MEGF11: variants seen among roughly 807,000 people sequenced by gnomAD.
MEGF11 encodes multiple EGF like domains 11.
MEGF11 carries 126 observed loss-of-function variants against 146.6 expected under a neutral mutation model. That is an observed-to-expected ratio of 0.86 (90% CI 0.74 to 1.00). MEGF11 has a LOEUF of 1.00. Ranked by LOEUF, MEGF11 falls within the 50% of genes least tolerant of loss-of-function variation. The pLI, the probability that MEGF11 is intolerant of heterozygous loss-of-function variation, is 0.00. For missense variants in MEGF11, 1,509 were observed against 1,521.2 expected (o/e 0.99, Z 0.13); for synonymous variants, 532 against 583.4 (o/e 0.91, Z 1.27).
At chr15:66,197,461 C>T (rs928227105) in intron 1 of MEGF11, among the ~76,000 whole-genome samples, 9 of 152,128 alleles carry the variant, frequency 5.9e-5, no homozygotes, top group African/African-American at 1.7e-4. Context: ...CTCGCTCTAT[C>T]GCCCAGGCTG....
At chr15:65,924,624 C>CTTTTT (rs573572484) in intron 13 of MEGF11, among the ~76,000 whole-genome samples, 21 of 111,600 alleles carry the variant, frequency 1.9e-4, no homozygotes, top group Non-Finnish European at 3.0e-4. Context: ...TGCCATAAGG[C>CTTTTT]TTTTTTTTTT....
At chr15:65,935,370 C>T (rs1310159618) in intron 10 of MEGF11, among the ~76,000 whole-genome samples, 2 of 80,854 alleles carry the variant, frequency 2.5e-5, no homozygotes, top group Admixed American at 1.5e-4. Flanking sequence ...AAAGGCAAAA[C>T]AGCCTGGAGC....
At chr15:66,056,058 A>C (rs1050750814) in intron 5 of MEGF11, among the ~76,000 whole-genome samples, 1 of 152,114 alleles carries the variant, frequency 6.6e-6, no homozygotes, top group Non-Finnish European at 1.5e-5. Context: ...AGCGTGTTAG[A>C]AATGCAGAGT....
At chr15:65,955,769 T>TAGATATATAG (rs1567174927) in intron 10 of MEGF11, among the ~76,000 whole-genome samples, 1 of 5,588 alleles carries the variant, frequency 1.8e-4, no homozygotes, top group Non-Finnish European at 7.0e-4. Context: ...AAAATATATA[T>TAGATATATAG]ATATATATAT....
At chr15:66,017,720 G>A (rs943637054) in intron 5 of MEGF11, among the ~76,000 whole-genome samples, 8 of 152,228 alleles carry the variant, frequency 5.3e-5, no homozygotes, top group African/African-American at 1.9e-4. Context: ...ATTTGCTGAT[G>A]TCTTTGCTCC....
intron 1 of MEGF11, among the ~76,000 whole-genome samples, chr15:66,132,185 C>T (rs1254632554): frequency 6.6e-6 from 1 of 152,212 alleles, no homozygotes; most frequent in Admixed American, 6.5e-5. Flanking sequence ...CTGCCTAGGA[C>T]CCTGCCATCA....
chr15:66,003,150 C>T (rs1411064208), intron 5 of MEGF11, among the ~76,000 whole-genome samples: 6 of 152,066 alleles, frequency 3.9e-5, no homozygotes, highest in South Asian at 4.1e-4. Context: ...CGCACCACCA[C>T]GGCTGGCTAA....
intron 4 of MEGF11, among the ~76,000 whole-genome samples, chr15:66,111,275 A>C (rs2087387567): frequency 6.6e-6 from 1 of 152,222 alleles, no homozygotes; most frequent in Non-Finnish European, 1.5e-5. Context: ...CACTCCAAGA[A>C]GGCATTGAAT....
At chr15:65,924,441 C>T (rs888037056) in intron 13 of MEGF11, among the ~76,000 whole-genome samples, 54 of 152,022 alleles carry the variant, frequency 3.6e-4, no homozygotes, top group African/African-American at 1.2e-3. Flanking sequence ...CATATTTTAC[C>T]CATTGACAGG....
intron 5 of MEGF11, among the ~76,000 whole-genome samples, chr15:66,049,100 C>G (rs1302623616): frequency 6.6e-6 from 1 of 152,246 alleles, no homozygotes; most frequent in Admixed American, 6.5e-5. Flanking sequence ...CCCTCAGCCC[C>G]GCAAAGTCAC....
At chr15:65,928,156 G>A (rs898749160) in intron 13 of MEGF11, among the ~76,000 whole-genome samples, 2 of 152,202 alleles carry the variant, frequency 1.3e-5, no homozygotes, top group African/African-American at 4.8e-5. Context: ...ATATTCTCTA[G>A]ATTGAGCACT....
chr15:66,196,623 T>C (rs1366989652), intron 1 of MEGF11, among the ~76,000 whole-genome samples: 1 of 152,218 alleles, frequency 6.6e-6, no homozygotes, highest in East Asian at 1.9e-4. Context: ...CAGACAGGTT[T>C]AGAGTGGGAA....
chr15:66,054,346 C>T (rs1403281645), intron 5 of MEGF11, among the ~76,000 whole-genome samples: 2 of 152,206 alleles, frequency 1.3e-5, no homozygotes, highest in Non-Finnish European at 2.9e-5. Flanking sequence ...CTCTCACAGC[C>T]TGATCCTAAC....
In MEGF11 at chr15:65,916,175, C is replaced by T; in HGVS notation, c.2317G>A (p.Gly773Ser). 1 of 1,589,630 alleles carries T rather than the reference C, an allele frequency of 6.3e-7. No individual in the cohort carries two copies. The highest frequency in any genetic ancestry group is 1.2e-5 in the South Asian group (1 of 86,768). Residue 773 changes from glycine (G) to serine (S), a missense_variant, in exon 18 of 26, where the codon GGC (glycine) becomes AGC (serine). Coordinates refer to ENST00000395614, the MANE Select transcript of MEGF11 (RefSeq NM_001385028.1). Reference sequence around the variant, plus strand: ...TGCTCACAGTGTTGCCCGGTGAAGCCTGTGCGGCAGGTGCACTTGCCACTG... The same window carrying T: ...TGCTCACAGTGTTGCCCGGTGAAGCTTGTGCGGCAGGTGCACTTGCCACTG... ...HISGKCTCRT[G>S]FTGQHCEQRC...
chr15:65,898,140 G>C (rs1325647249), intron 25 of MEGF11, 46 bp from the exon 26 acceptor site: 1 of 1,565,954 alleles, frequency 6.4e-7, no homozygotes. Flanking sequence ...GATTAGCTTT[G>C]GTTGCCTTGT....
At chr15:66,098,295 A>G (rs2086637820) in intron 4 of MEGF11, among the ~76,000 whole-genome samples, 1 of 152,144 alleles carries the variant, frequency 6.6e-6, no homozygotes, top group African/African-American at 2.4e-5. Context: ...GCCCTTCCCT[A>G]ACCAAAGGTG....
intron 7 of MEGF11, among the ~76,000 whole-genome samples, chr15:65,979,358 T>TA (rs1247738442): frequency 6.6e-6 from 1 of 152,148 alleles, no homozygotes; most frequent in East Asian, 1.9e-4. Context: ...TTTCCTGCCC[T>TA]AAAAAAATTC....
chr15:66,197,878 A>G (rs2091049302), intron 1 of MEGF11, among the ~76,000 whole-genome samples: 1 of 152,168 alleles, frequency 6.6e-6, no homozygotes, highest in Non-Finnish European at 1.5e-5. Context: ...CCGCCTTAAC[A>G]AGGCCTCCAG....
At chr15:66,179,591 A>G (rs2090484782) in intron 1 of MEGF11, among the ~76,000 whole-genome samples, 2 of 152,152 alleles carry the variant, frequency 1.3e-5, no homozygotes, top group African/African-American at 4.8e-5. Context: ...GCTCAGGCCA[A>G]GAGGAACAGC....
Sources: allele counts gnomAD v4.1 joint callset (sites outside exome capture counted in the v4.1 genomes callset), GRCh38; gene constraint gnomAD v4.1.1; transcripts MANE v1.5; gene names NCBI Gene and HGNC (gene_info 2026-07-23, HGNC 2026-07-21).